Variants in COG3 observed in about 807,000 individuals in gnomAD.
COG3 encodes the protein component of oligomeric golgi complex 3.
A neutral mutation model predicts 114.1 loss-of-function variants in COG3; 32 were observed. The observed-to-expected ratio is 0.28, with a 90% CI of 0.21 to 0.38. COG3 has a LOEUF of 0.38. COG3 is among the 10% of genes least tolerant of loss of function. The pLI, the probability that COG3 is intolerant of heterozygous loss-of-function variation, is 1.00. For synonymous variants in COG3, 352 were observed against 365.7 expected (o/e 0.96, Z 0.43); for missense variants, 813 against 973.2 (o/e 0.84, Z 2.19).
rs34378614 is a variant in COG3, at chr13:45,505,305, C to CTT, written c.1594+1967_1594+1968dup. On this transcript the variant is annotated intron_variant, in intron 14 of 22. Coordinates refer to ENST00000349995, the MANE Select transcript of COG3 (RefSeq NM_031431.4). The stretch of plus-strand genomic sequence containing the variant: ...AATATACTAAAATTAATCCTGCTTC[C>CTT]TTTTTTTTTTTTGAGAGACAGAGTC... Among the ~76,000 whole-genome samples, 219 of 145,176 alleles carry CTT rather than the reference C, an allele frequency of 1.5e-3. 3 individuals are homozygous for CTT. The highest frequency in any genetic ancestry group is 0.011 in the South Asian group (51 of 4,592).
At chr13:45,529,261 A>G (rs929011759) in intron 20 of COG3, among the ~76,000 whole-genome samples, 2 of 152,148 alleles carry the variant, frequency 1.3e-5, no homozygotes, top group Non-Finnish European at 2.9e-5. Flanking sequence ...TGGGTTTCAT[A>G]GTTATTTTTG....
rs1220040633 is a variant in COG3, at chr13:45,535,421, T to C, written c.*690T>C. The C allele has an allele frequency of 1.0e-5, 10 of 985,458 alleles. No homozygotes were observed. Among genetic ancestry groups the C allele is most frequent in the Non-Finnish European group, 1.2e-5 (10 of 829,940 alleles). The allele number at this position is 985,458 out of a possible 1,614,324, so 61.0% of individuals were successfully genotyped here. The stretch of plus-strand genomic sequence containing the variant: ...AAAGCAAGGAGCTGCAGCATTCTCA[T>C]CATAGATACGTGCAGTATCTTTAAT... On this transcript the variant is annotated 3_prime_UTR_variant, in exon 23 of 23. Coordinates refer to ENST00000349995, the MANE Select transcript of COG3 (RefSeq NM_031431.4).
chr13:45,514,899 C>T (rs1165819747), intron 16 of COG3, among the ~76,000 whole-genome samples: 5 of 151,268 alleles, frequency 3.3e-5, no homozygotes, highest in African/African-American at 4.8e-5. Flanking sequence ...CCGACTGTCT[C>T]GGCCTCCCAA....
At chr13:45,471,728 T>G (rs1166195466) in intron 1 of COG3, among the ~76,000 whole-genome samples, 2 of 31,572 alleles carry the variant, frequency 6.3e-5, no homozygotes, top group Admixed American at 5.0e-4. Flanking sequence ...TCAGCTTTTG[T>G]TTTTTTTTTG....
Position 45,480,231 on chromosome 13 carries a change from T to C in COG3, c.490T>C (p.Phe164Leu). The C allele has an allele frequency of 6.2e-7, 1 of 1,613,578 alleles. No individual in the cohort carries two copies. Among genetic ancestry groups the C allele is most frequent in the African/African-American group, 1.3e-5 (1 of 75,028 alleles). Residue 164 changes from phenylalanine (F) to leucine (L), a missense_variant, in exon 4 of 23, where the codon TTT becomes CTT. Physicochemically the swap from Phe to Leu is conservative, Grantham distance 22 (BLOSUM62 0). Transcript: ENST00000349995. ...HLESLQKQYLFVSNKTGTLHE... is the reference protein window; with the variant it reads ...HLESLQKQYLLVSNKTGTLHE... ...GGAGTCTTTGCAGAAACAGTATCTT[T>C]TTGTGTCCAATAAGACAGGAACCCT... is the stretch of plus-strand genomic sequence containing the variant.
At chr13:45,532,751 G>T (rs1873279495) in intron 22 of COG3, among the ~76,000 whole-genome samples, 1 of 151,660 alleles carries the variant, frequency 6.6e-6, no homozygotes, top group African/African-American at 2.4e-5. Context: ...TAGAGACGGG[G>T]TTTCACCGTG....
At chr13:45,475,429 C>T (rs1885800760) in intron 1 of COG3, among the ~76,000 whole-genome samples, 1 of 151,750 alleles carries the variant, frequency 6.6e-6, no homozygotes, top group Non-Finnish European at 1.5e-5. Flanking sequence ...GTCTCAAATT[C>T]CTGGGCTCAA....
intron 19 of COG3, among the ~76,000 whole-genome samples, chr13:45,521,190 T>C (rs1027451061): frequency 4.6e-5 from 7 of 152,220 alleles, no homozygotes; most frequent in Non-Finnish European, 1.0e-4. Context: ...TAGAGGTTTA[T>C]GTAGAAAATA....
chr13:45,514,939 C>T (rs1475100374), intron 16 of COG3, among the ~76,000 whole-genome samples: 1 of 152,126 alleles, frequency 6.6e-6, no homozygotes, highest in African/African-American at 2.4e-5. Flanking sequence ...TGAGCCACCG[C>T]GCCTGGCCAA....
intron 13 of COG3, among the ~76,000 whole-genome samples, chr13:45,497,554 C>T (rs1016652651): frequency 3.3e-5 from 5 of 151,956 alleles, no homozygotes; most frequent in African/African-American, 7.3e-5. Context: ...GAGGCCGAGG[C>T]GGGAGGATCA....
chr13:45,480,002 G>A (rs1886148614), intron 3 of COG3, 123 bp from the exon 4 acceptor site: 3 of 701,762 alleles, frequency 4.3e-6, no homozygotes, highest in South Asian at 4.5e-5. Context: ...ATCAACTTAT[G>A]TGCATAGGCA....
rs545142258 is a variant in COG3 at position 45,491,332 on chromosome 13, G to GCAA, written c.969-78_969-76dup. 1.8e-4 allele frequency: 254 copies of GCAA among 1,441,844 alleles called. 2 individuals carry two copies. In the South Asian group the frequency reaches 3.4e-3, roughly 19 times the overall value. The allele number at this position is 1,441,844 out of a possible 1,614,324, so 89.3% of individuals were successfully genotyped here. A position where few individuals can be genotyped will look rare whatever the true frequency, so the allele number is the denominator to read the frequency against. On this transcript the variant is annotated intron_variant, in intron 9 of 22. Coordinates refer to ENST00000349995, the MANE Select transcript of COG3 (RefSeq NM_031431.4). ...CCGTTATAGCTTTAAAAGAGGTTTG[G>GCAA]CAACCTACACTGGGATTTAAGATGA...
intron 13 of COG3, among the ~76,000 whole-genome samples, chr13:45,499,176 C>T (rs1869188317): frequency 6.6e-6 from 1 of 151,952 alleles, no homozygotes; most frequent in Non-Finnish European, 1.5e-5. Context: ...CAGGGTTCTT[C>T]CTTTTCCCAT....
intron 1 of COG3, 114 bp downstream of exon 1, chr13:45,465,324 C>G: frequency 7.0e-7 from 1 of 1,430,944 alleles, no homozygotes; most frequent in Non-Finnish European, 9.2e-7. Context: ...CCACTCCTCC[C>G]TGGCCATGGT....
intron 14 of COG3, among the ~76,000 whole-genome samples, chr13:45,508,396 ATAT>A: frequency 9.8e-6 from 1 of 101,948 alleles, no homozygotes; most frequent in African/African-American, 4.9e-5. Context: ...TTATATATAT[ATAT>A]ATATACACAC....
At chr13:45,477,346 G>A (rs1004317281) in intron 2 of COG3, among the ~76,000 whole-genome samples, 5 of 152,034 alleles carry the variant, frequency 3.3e-5, no homozygotes, top group African/African-American at 4.8e-5. Flanking sequence ...GATGAAACTC[G>A]TACCTGTTCT....
At chr13:45,500,040 A>G (rs74433149) in intron 13 of COG3, among the ~76,000 whole-genome samples, 8,266 of 136,580 alleles carry the variant, frequency 0.061, 303 homozygotes, top group East Asian at 0.097. Flanking sequence ...ATATATATGT[A>G]TGTGTGTGTG....
At position 45,524,966 on chromosome 13, in the gene COG3, C is replaced by T. The variant is rs192354901; in HGVS notation, c.2155-10C>T. ...AATGAAACTTTTTTTCTTTTTGTCT[C>T]CTCTATTAGGTTTCAGCGTTAAAAA... On this transcript the variant is annotated splice_polypyrimidine_tract_variant and intron_variant, in intron 19 of 22. Coordinates refer to ENST00000349995, the MANE Select transcript of COG3 (RefSeq NM_031431.4). 3.6e-3 allele frequency: 5,803 copies of T among 1,610,978 alleles called. 17 individuals carry two copies. Among genetic ancestry groups the T allele is most frequent in the Non-Finnish European group, 4.2e-3 (4,997 of 1,178,120 alleles).
intron 19 of COG3, among the ~76,000 whole-genome samples, chr13:45,521,968 A>G (rs988525400): frequency 5.3e-5 from 8 of 151,650 alleles, no homozygotes; most frequent in African/African-American, 1.9e-4. Flanking sequence ...GTGCCTGGCT[A>G]ATATTTATGT....
Sources: allele counts gnomAD v4.1 joint callset (sites outside exome capture counted in the v4.1 genomes callset), GRCh38; gene constraint gnomAD v4.1.1; transcripts MANE v1.5; gene names NCBI Gene and HGNC (gene_info 2026-07-23, HGNC 2026-07-21).